Variants in ADAM2 observed in about 807,000 individuals in gnomAD.
ADAM2 encodes the protein ADAM metallopeptidase domain 2, also known as disintegrin and metalloproteinase domain-containing protein 2.
ADAM2 carries 101 observed loss-of-function variants against 99.3 expected under a neutral mutation model. The ratio of observed to expected loss-of-function variants is 1.02; its 90% confidence interval spans 0.87 to 1.20. The LOEUF (loss-of-function observed/expected upper bound fraction) is 1.20, where lower values mean the gene tolerates loss of function less well. Among genes scored for constraint, ADAM2 ranks in the 50% most tolerant of loss-of-function variants. ADAM2 has a pLI of 0.00. For synonymous variants in ADAM2, 323 were observed against 287.6 expected (o/e 1.12, Z -1.25); for missense variants, 948 against 878.7 (o/e 1.08, Z -1.00).
rs1021685314 is a variant in ADAM2, at chr8:39,769,649, C to T, written c.1029-74G>A. 8 of 999,272 alleles carry T rather than the reference C, an allele frequency of 8.0e-6. No individual in the cohort carries two copies. The African/African-American group carries it at 1.1e-4, about 14-fold the overall frequency. 61.9% of individuals were successfully genotyped at this position (999,272 alleles called of 1,614,324 possible). ...TACCTACCCTTAGAATAAACCTATA[C>T]AACAGCATTCCACAACAGACCAAAT... On this transcript the variant is annotated intron_variant, in intron 11 of 20. Coordinates refer to ENST00000265708, the MANE Select transcript of ADAM2 (RefSeq NM_001464.5).
intron 6 of ADAM2, among the ~76,000 whole-genome samples, chr8:39,816,842 G>A (rs1586148349): frequency 6.6e-6 from 1 of 152,162 alleles, no homozygotes; most frequent in Non-Finnish European, 1.5e-5. Context: ...AACTATTCAA[G>A]TTTGCCACCA....
chr8:39,788,801 A>T (rs1803583051), intron 7 of ADAM2, 61 bp from the exon 8 acceptor site: 1 of 892,362 alleles, frequency 1.1e-6, no homozygotes, highest in African/African-American at 1.8e-5. Flanking sequence ...AATGATTGTT[A>T]TTGTTTCATT....
intron 16 of ADAM2, among the ~76,000 whole-genome samples, chr8:39,752,333 T>C (rs752756067): frequency 1.8e-4 from 27 of 152,132 alleles, no homozygotes; most frequent in Non-Finnish European, 2.8e-4. Flanking sequence ...AATAACATTA[T>C]AGGAGCTCTG....
At chr8:39,811,447 T>C (rs1446062114) in intron 6 of ADAM2, among the ~76,000 whole-genome samples, 9 of 152,194 alleles carry the variant, frequency 5.9e-5, no homozygotes, top group Non-Finnish European at 1.3e-4. Context: ...ATCATCCTGA[T>C]ACCAAAGCCT....
At chr8:39,745,178 T>A (rs1402242260) in intron 19 of ADAM2, among the ~76,000 whole-genome samples, 1 of 152,230 alleles carries the variant, frequency 6.6e-6, no homozygotes, top group African/African-American at 2.4e-5. Context: ...TTAAGTATCT[T>A]TAAACTTTTT....
At chr8:39,781,575 C>T (rs1803232869) in intron 10 of ADAM2, among the ~76,000 whole-genome samples, 2 of 152,016 alleles carry the variant, frequency 1.3e-5, no homozygotes, top group African/African-American at 4.8e-5. Flanking sequence ...CTTTTAATTT[C>T]TGTGTAGTGC....
At chr8:39,750,404 G>A (rs1180328552) in intron 16 of ADAM2, among the ~76,000 whole-genome samples, 1 of 152,032 alleles carries the variant, frequency 6.6e-6, no homozygotes. Flanking sequence ...TTATATGAAA[G>A]AAGATATTAT....
intron 17 of ADAM2, 27 bp downstream of exon 17, chr8:39,749,640 T>G: frequency 6.3e-7 from 1 of 1,586,778 alleles, no homozygotes; most frequent in Non-Finnish European, 8.6e-7. Flanking sequence ...ATGATTTCTA[T>G]TTTCACCTCA....
intron 9 of ADAM2, among the ~76,000 whole-genome samples, chr8:39,787,542 C>CTA (rs1280979289): frequency 0.013 from 1,713 of 128,276 alleles, 36 homozygotes; most frequent in African/African-American, 0.046. Context: ...CTCTCTCTCT[C>CTA]TATATATATA....
At chr8:39,762,152 C>T (rs1034275141) in intron 14 of ADAM2, among the ~76,000 whole-genome samples, 1 of 152,216 alleles carries the variant, frequency 6.6e-6, no homozygotes, top group Non-Finnish European at 1.5e-5. Context: ...TCCAACTGCT[C>T]TACTTGATGG....
intron 6 of ADAM2, among the ~76,000 whole-genome samples, chr8:39,815,502 T>G (rs916930058): frequency 3.3e-5 from 5 of 152,190 alleles, no homozygotes; most frequent in African/African-American, 1.2e-4. Context: ...GGAATACAGA[T>G]GGTTGAGAAC....
At chr8:39,818,886 ATAAAT>A (rs1346546298) in intron 6 of ADAM2, among the ~76,000 whole-genome samples, 2 of 152,074 alleles carry the variant, frequency 1.3e-5, no homozygotes, top group African/African-American at 2.4e-5. Flanking sequence ...CATTGCAGAA[ATAAAT>A]TAAAGAATAT....
chr8:39,820,076 A>T (rs1487529409), intron 6 of ADAM2, among the ~76,000 whole-genome samples: 1 of 152,164 alleles, frequency 6.6e-6, no homozygotes, highest in Non-Finnish European at 1.5e-5. Flanking sequence ...ACCACTGAAT[A>T]CTTCTGATCA....
rs1461328645 is a variant in ADAM2, at chr8:39,774,058, T to G, written c.1028+2967A>C. ...TTTAAACAATTAAACATGAATAAAA[T>G]GTATTTCAATGTATCAACAGAATAA... On this transcript the variant is annotated intron_variant, in intron 11 of 20. Transcript: ENST00000265708. Among the ~76,000 whole-genome samples, 4 of 151,928 alleles carry G rather than the reference T, an allele frequency of 2.6e-5. No homozygotes were observed. The East Asian group carries it at 7.7e-4, about 29-fold the overall frequency.
intron 10 of ADAM2, among the ~76,000 whole-genome samples, chr8:39,784,244 TAAGA>T (rs1354566621): frequency 6.6e-6 from 1 of 152,190 alleles, no homozygotes; most frequent in Non-Finnish European, 1.5e-5. Context: ...CTGTGGAGAA[TAAGA>T]AAGAATACTA....
Position 39,824,819 on chromosome 8 carries a change from C to G in ADAM2, c.267G>C (p.Gln89His). 2.0e-6 allele frequency: 3 copies of G among 1,522,794 alleles called. No homozygotes were observed. The highest frequency in any genetic ancestry group is 2.7e-6 in the Non-Finnish European group (3 of 1,104,198). The allele number at this position is 1,522,794 out of a possible 1,614,324, so 94.3% of individuals were successfully genotyped here. Reference sequence around the variant, plus strand: ...ATAAAAGAGATCATAAAAAACATACCTGAAAATCTTGGTCAAGTGGTTTCA... The same window carrying G: ...ATAAAAGAGATCATAAAAAACATACGTGAAAATCTTGGTCAAGTGGTTTCA... ...GIMKPLDQDF[Q>H]NFCHYQGYIE... is the part of the protein sequence containing the mutation. Residue 89 changes from glutamine to histidine, a missense_variant and splice_region_variant, in exon 4 of 21, where the codon CAG becomes CAC. By Grantham distance (24) the Gln-to-His change is conservative (BLOSUM62 0). Coordinates refer to ENST00000265708, the MANE Select transcript of ADAM2 (RefSeq NM_001464.5).
chr8:39,788,837 A>C (rs1442731385), intron 7 of ADAM2, 97 bp from the exon 8 acceptor site: 3 of 581,450 alleles, frequency 5.2e-6, no homozygotes, highest in African/African-American at 3.9e-5. Context: ...TGAAGTAATA[A>C]ATTATTTAAA....
intron 2 of ADAM2, among the ~76,000 whole-genome samples, chr8:39,836,822 C>G (rs1805844389): frequency 6.6e-6 from 1 of 152,066 alleles, no homozygotes; most frequent in African/African-American, 2.4e-5. Flanking sequence ...AAAATTCCTC[C>G]AAATACAGCC....
chr8:39,753,831 TCA>T (rs902089365), intron 16 of ADAM2, among the ~76,000 whole-genome samples: 4 of 108,934 alleles, frequency 3.7e-5, no homozygotes, highest in African/African-American at 8.7e-5. Flanking sequence ...ACACACACAC[TCA>T]CACACACACA....
Sources: allele counts gnomAD v4.1 joint callset (sites outside exome capture counted in the v4.1 genomes callset), GRCh38; gene constraint gnomAD v4.1.1; transcripts MANE v1.5; gene names NCBI Gene and HGNC (gene_info 2026-07-23, HGNC 2026-07-21).